The following RSPO2 variants were observed in gnomAD, a reference collection of about 807,000 sequenced individuals.
The protein encoded by RSPO2 is R-spondin 2, also known as R-spondin-2.
In RSPO2, 14 loss-of-function variants were observed where a neutral mutation model predicts 30.9. The ratio of observed to expected loss-of-function variants is 0.45; its 90% CI spans 0.30 to 0.71. The LOEUF (loss-of-function observed/expected upper bound fraction) is 0.71, where lower values mean the gene tolerates loss of function less well. Ranked by LOEUF, RSPO2 falls within the 30% of genes least tolerant of loss-of-function variation. RSPO2 has a pLI of 0.08. For synonymous variants in RSPO2, 107 were observed against 96.4 expected, an observed-to-expected ratio of 1.11 and a Z score of -0.64; for missense variants, 264 against 301.9, an observed-to-expected ratio of 0.87 and a Z score of 0.93.
intron 2 of RSPO2, among the ~76,000 whole-genome samples, chr8:108,001,515 C>T (rs1416579127): frequency 6.6e-6 from 1 of 152,140 alleles, no homozygotes; most frequent in Admixed American, 6.5e-5. Context: ...AATTAAGGAT[C>T]ACAACACATG....
chr8:108,044,812 C>T (rs1188007094), intron 2 of RSPO2, among the ~76,000 whole-genome samples: 3 of 152,102 alleles, frequency 2.0e-5, no homozygotes, highest in South Asian at 2.1e-4. Context: ...AACTAATTTA[C>T]ACTCCCATCA....
chr8:107,963,652 ATAG>A (rs1258045531), intron 3 of RSPO2, among the ~76,000 whole-genome samples: 4 of 148,998 alleles, frequency 2.7e-5, no homozygotes, highest in Non-Finnish European at 4.4e-5. Context: ...TGGGGAGGGG[ATAG>A]TAGAATTTTG....
At chr8:107,961,858 G>A (rs973433895) in intron 3 of RSPO2, among the ~76,000 whole-genome samples, 5 of 152,160 alleles carry the variant, frequency 3.3e-5, no homozygotes, top group Non-Finnish European at 4.4e-5. Context: ...ATAAAAAGAA[G>A]CAATAATTTA....
intron 3 of RSPO2, among the ~76,000 whole-genome samples, chr8:107,980,670 C>T (rs1814396247): frequency 1.3e-5 from 2 of 152,164 alleles, no homozygotes; most frequent in South Asian, 2.1e-4. Flanking sequence ...GGTCCTTTCA[C>T]CCCTCATGCT....
intron 5 of RSPO2, among the ~76,000 whole-genome samples, chr8:107,929,452 G>A (rs902891853): frequency 6.6e-6 from 1 of 152,134 alleles, no homozygotes; most frequent in African/African-American, 2.4e-5. Flanking sequence ...CTGTGGCTTG[G>A]CTCTCTCACA....
At chr8:107,954,466 C>T (rs1813350904) in intron 5 of RSPO2, among the ~76,000 whole-genome samples, 1 of 152,102 alleles carries the variant, frequency 6.6e-6, no homozygotes, top group Non-Finnish European at 1.5e-5. Context: ...AGGGAGAGGG[C>T]AAAGGGAGTG....
intron 3 of RSPO2, among the ~76,000 whole-genome samples, chr8:107,978,008 GT>G (rs1814277115): frequency 6.6e-6 from 1 of 151,696 alleles, no homozygotes; most frequent in Non-Finnish European, 1.5e-5. Context: ...GTCATCTCAA[GT>G]CAACATTTCT....
chr8:107,917,644 T>C (rs527774690), intron 5 of RSPO2, among the ~76,000 whole-genome samples: 1 of 152,224 alleles, frequency 6.6e-6, no homozygotes, highest in East Asian at 1.9e-4. Context: ...TCAAATCATG[T>C]GTTTGGCTTA....
At chr8:108,060,344 C>A (rs937756840) in intron 2 of RSPO2, among the ~76,000 whole-genome samples, 2 of 151,702 alleles carry the variant, frequency 1.3e-5, no homozygotes, top group Non-Finnish European at 2.9e-5. Flanking sequence ...CTTAAATGAC[C>A]TGATGGAGCT....
At chr8:107,990,043 A>G (rs1054686276) in intron 2 of RSPO2, among the ~76,000 whole-genome samples, 2 of 152,196 alleles carry the variant, frequency 1.3e-5, no homozygotes, top group Non-Finnish European at 2.9e-5. Context: ...CTTTAAAATG[A>G]ATATCTACAG....
At chr8:107,992,948 C>G (rs1814895165) in intron 2 of RSPO2, among the ~76,000 whole-genome samples, 1 of 151,974 alleles carries the variant, frequency 6.6e-6, no homozygotes, top group Non-Finnish European at 1.5e-5. Context: ...AGATTAAACT[C>G]TGAATATTGG....
intron 5 of RSPO2, among the ~76,000 whole-genome samples, chr8:107,924,383 T>C (rs1355613151): frequency 2.0e-5 from 3 of 152,206 alleles, no homozygotes; most frequent in South Asian, 4.2e-4. Flanking sequence ...TATTAACATA[T>C]TCTTTGAAAA....
chr8:107,929,164 G>A (rs1812475207), intron 5 of RSPO2, among the ~76,000 whole-genome samples: 1 of 152,174 alleles, frequency 6.6e-6, no homozygotes, highest in Non-Finnish European at 1.5e-5. Flanking sequence ...GGCTGCTTTG[G>A]ATGGGATCCA....
At chr8:108,077,930 CT>C (rs1813063830) in intron 2 of RSPO2, among the ~76,000 whole-genome samples, 1 of 152,122 alleles carries the variant, frequency 6.6e-6, no homozygotes, top group South Asian at 2.1e-4. Context: ...TAAAATCTGT[CT>C]GTCCCCTACT....
chr8:108,000,642 A>G (rs1586615712), intron 2 of RSPO2, among the ~76,000 whole-genome samples: 1 of 152,206 alleles, frequency 6.6e-6, no homozygotes, highest in East Asian at 1.9e-4. Flanking sequence ...TAGCCAACTG[A>G]GAACCAGTCA....
intron 5 of RSPO2, among the ~76,000 whole-genome samples, chr8:107,906,044 T>G (rs2130253549): frequency 6.6e-6 from 1 of 152,118 alleles, no homozygotes; most frequent in Non-Finnish European, 1.5e-5. Flanking sequence ...TATCTAACAC[T>G]TGTAAGAATG....
At chr8:107,991,717 C>T (rs545826224) in intron 2 of RSPO2, among the ~76,000 whole-genome samples, 1 of 151,990 alleles carries the variant, frequency 6.6e-6, no homozygotes, top group East Asian at 1.9e-4. Flanking sequence ...CATTAACAAG[C>T]AGGCAAAGGA....
At chr8:108,073,890 T>C (rs1190085192) in intron 2 of RSPO2, among the ~76,000 whole-genome samples, 1 of 152,180 alleles carries the variant, frequency 6.6e-6, no homozygotes, top group Non-Finnish European at 1.5e-5. Context: ...AGAAAACAAT[T>C]ATGTGTATCA....
chr8:107,988,992 C>T, intron 3 of RSPO2, 64 bp downstream of exon 3: 5 of 1,382,136 alleles, frequency 3.6e-6, no homozygotes, highest in African/African-American at 1.5e-5. Context: ...TCAAAATCTT[C>T]AACTTAGCTC....
Sources: allele counts gnomAD v4.1 joint callset (sites outside exome capture counted in the v4.1 genomes callset), GRCh38; gene constraint gnomAD v4.1.1; transcripts MANE v1.5; gene names NCBI Gene and HGNC (gene_info 2026-07-23, HGNC 2026-07-21).